LGR4: variants seen among roughly 807,000 people sequenced by gnomAD.
LGR4 encodes the protein leucine rich repeat containing G protein-coupled receptor 4.
Under a neutral mutation model 84.8 loss-of-function variants are expected in LGR4, and 44 were observed. The ratio of observed to expected loss-of-function variants is 0.52; its 90% CI spans 0.41 to 0.67. The LOEUF (loss-of-function observed/expected upper bound fraction) is 0.67. LGR4 is among the 30% of genes least tolerant of loss of function. The pLI is 0.00. For missense variants in LGR4, 1,032 were observed against 1,131.4 expected (o/e 0.91, Z 1.26); for synonymous variants, 429 against 434.3 (o/e 0.99, Z 0.15).
intron 2 of LGR4, among the ~76,000 whole-genome samples, chr11:27,403,347 G>A (rs1490413855): frequency 6.6e-6 from 1 of 152,206 alleles, no homozygotes; most frequent in East Asian, 1.9e-4. Flanking sequence ...AGCTACTCAG[G>A]AAGCTGAGGT....
intron 2 of LGR4, among the ~76,000 whole-genome samples, chr11:27,393,625 T>A (rs1863326315): frequency 6.6e-6 from 1 of 152,046 alleles, no homozygotes; most frequent in Non-Finnish European, 1.5e-5. Context: ...ATTCCCTCCC[T>A]AAAAACTCTG....
intron 1 of LGR4, among the ~76,000 whole-genome samples, chr11:27,431,762 T>C (rs1439618296): frequency 6.6e-6 from 1 of 152,194 alleles, no homozygotes; most frequent in Non-Finnish European, 1.5e-5. Flanking sequence ...ACTCCATCCA[T>C]ATAATATTAT....
chr11:27,368,995 A>G lies in LGR4; in HGVS notation c.1728T>C (p.Phe576=), dbSNP rs1270299375. 1.9e-6 allele frequency: 3 copies of G among 1,614,028 alleles called. No individual in the cohort carries two copies. Among genetic ancestry groups the G allele is most frequent in the African/African-American group, 2.7e-5 (2 of 74,916 alleles). Residue 576 remains phenylalanine (F), a synonymous_variant, in exon 18 of 18, where the codon TTT becomes TTC. Coordinates refer to ENST00000379214, the MANE Select transcript of LGR4 (RefSeq NM_018490.5). ...AGTTAGACACAGAAATCAAGCCTAT[A>G]AACAATTTGGACGAAGGCAGTGATG... ...SCTSLPSSKL[F]IGLISVSNLF...
Position 27,367,344 on chromosome 11 carries a change from CAT to C in LGR4, c.*521_*522del, listed in dbSNP as rs1862784510. On this transcript the variant is annotated 3_prime_UTR_variant, in exon 18 of 18. Coordinates refer to ENST00000379214, the MANE Select transcript of LGR4 (RefSeq NM_018490.5). Reference sequence around the variant, plus strand: ...TTATGTCAAGGATGGCAAGTGAAAACATAATAAAGTAATGCCTATGTATACTC... The same window carrying C: ...TTATGTCAAGGATGGCAAGTGAAAACAATAAAGTAATGCCTATGTATACTC... 1 of 152,490 alleles carries C rather than the reference CAT, an allele frequency of 6.6e-6. No homozygotes were observed. Among genetic ancestry groups the C allele is most frequent in the Admixed American group, 6.6e-5 (1 of 15,264 alleles). 9.4% of individuals were successfully genotyped at this position (152,490 alleles called of 1,614,324 possible).
chr11:27,465,832 T>G (rs1864766306), intron 1 of LGR4, among the ~76,000 whole-genome samples: 1 of 152,208 alleles, frequency 6.6e-6, no homozygotes, highest in Non-Finnish European at 1.5e-5. Flanking sequence ...AATTAGCCAT[T>G]GTGTAAGAGT....
chr11:27,449,016 C>T (rs1027211921), intron 1 of LGR4, among the ~76,000 whole-genome samples: 7 of 152,128 alleles, frequency 4.6e-5, no homozygotes, highest in African/African-American at 1.7e-4. Flanking sequence ...GGAGGTAAAA[C>T]TCACCTAGTT....
chr11:27,382,799 A>G (rs1863120982), intron 6 of LGR4, among the ~76,000 whole-genome samples: 1 of 152,088 alleles, frequency 6.6e-6, no homozygotes, highest in Admixed American at 6.6e-5. Flanking sequence ...CGGGCAGATC[A>G]TGAGGTCAAG....
At chr11:27,395,803 C>T (rs987528670) in intron 2 of LGR4, among the ~76,000 whole-genome samples, 10 of 152,182 alleles carry the variant, frequency 6.6e-5, no homozygotes, top group African/African-American at 2.4e-4. Context: ...GTGGTAAAAG[C>T]TCTGCAGCTC....
In LGR4 at chr11:27,371,648, T is replaced by C; in HGVS notation, c.1546A>G (p.Ser516Gly). Residue 516 changes from serine (S) to glycine (G), a missense_variant, in exon 17 of 18, where the codon AGT becomes GGT. Physicochemically the swap from Ser to Gly is moderately conservative, Grantham distance 56. Coordinates refer to ENST00000379214, the MANE Select transcript of LGR4 (RefSeq NM_018490.5). ...VTSTLENEEH[S>G]QIIIHCTPST... ...GGTGTACAATGGATAATTATTTGAC[T>C]ATGTTCTTCATTTTCAAGAGTGCTT... 1 of 1,613,452 alleles carries C rather than the reference T, an allele frequency of 6.2e-7. No individual in the cohort carries two copies. The highest frequency in any genetic ancestry group is 8.5e-7 in the Non-Finnish European group (1 of 1,179,528).
chr11:27,455,018 T>C (rs1235007032), intron 1 of LGR4, among the ~76,000 whole-genome samples: 1 of 152,192 alleles, frequency 6.6e-6, no homozygotes, highest in Non-Finnish European at 1.5e-5. Flanking sequence ...CTGATAATGC[T>C]CTTCCACTTG....
intron 1 of LGR4, among the ~76,000 whole-genome samples, chr11:27,450,592 C>T (rs1355866068): frequency 2.6e-5 from 4 of 152,048 alleles, no homozygotes; most frequent in African/African-American, 9.7e-5. Flanking sequence ...AGTTTGAGAC[C>T]AGCCTGACCA....
Position 27,382,351 on chromosome 11 carries a change from T to A in LGR4, c.690-95A>T. ...CAGACAAGTATTTTTTTAAATCATATCCTCTGTATGGTAATCTTTCTTTAT... is the reference window on the plus strand; with the variant it reads ...CAGACAAGTATTTTTTTAAATCATAACCTCTGTATGGTAATCTTTCTTTAT... On this transcript the variant is annotated intron_variant, in intron 6 of 17. Transcript: ENST00000379214. The A allele has an allele frequency of 3.9e-6, 3 of 769,442 alleles. No homozygotes were observed. The South Asian group carries it at 4.9e-5, about 13-fold the overall frequency. 47.7% of individuals were successfully genotyped at this position (769,442 alleles called of 1,614,324 possible).
intron 1 of LGR4, among the ~76,000 whole-genome samples, chr11:27,470,385 C>T (rs751494009): frequency 8.5e-5 from 13 of 152,306 alleles, no homozygotes; most frequent in Non-Finnish European, 1.5e-4. Flanking sequence ...TAGGACAAGT[C>T]TACTCACTAA....
chr11:27,368,284 C>G lies in LGR4; in HGVS notation c.2439G>C (p.Lys813Asn). ...FFNPKFKEDW[K>N]LLKRRVTKKS... ...TCTTGGTAACACGTCGCTTCAGTAACTTCCAGTCTTCTTTAAACTTTGGGT... is the reference window on the plus strand; with the variant it reads ...TCTTGGTAACACGTCGCTTCAGTAAGTTCCAGTCTTCTTTAAACTTTGGGT... Residue 813 changes from lysine (K) to asparagine (N), a missense_variant, in exon 18 of 18, where the codon AAG becomes AAC. Physicochemically the swap from Lys to Asn is moderately conservative, Grantham distance 94 (BLOSUM62 0). Coordinates refer to ENST00000379214, the MANE Select transcript of LGR4 (RefSeq NM_018490.5). The G allele has an allele frequency of 6.2e-7, 1 of 1,614,222 alleles. No homozygotes were observed. Among genetic ancestry groups the G allele is most frequent in the Non-Finnish European group, 8.5e-7 (1 of 1,180,038 alleles).
chr11:27,371,627 T>C lies in LGR4; in HGVS notation c.1567A>G (p.Thr523Ala), dbSNP rs780336469. The change falls in exon 17 of 18, where the codon ACA (threonine) becomes GCA (alanine). Residue 523 changes from threonine to alanine, a missense_variant. Transcript: ENST00000379214. Reference sequence around the variant, plus strand: ...AGGCCAGGCATACCTGTTGAAGGTGTACAATGGATAATTATTTGACTATGT... The same window carrying C: ...AGGCCAGGCATACCTGTTGAAGGTGCACAATGGATAATTATTTGACTATGT... ...EEHSQIIIHC[T>A]PSTGAFKPCE... The C allele has an allele frequency of 6.2e-7, 1 of 1,612,254 alleles. No individual in the cohort carries two copies. The highest frequency in any genetic ancestry group is 1.7e-5 in the Admixed American group (1 of 59,956).
chr11:27,373,076 TC>T (rs1862914564), intron 15 of LGR4: 1 of 152,614 alleles, frequency 6.6e-6, no homozygotes, highest in Admixed American at 6.5e-5. Context: ...CCCAGGCTGG[TC>T]TTGAACTGCT....
intron 2 of LGR4, among the ~76,000 whole-genome samples, chr11:27,400,606 G>A (rs1409896915): frequency 2.6e-5 from 4 of 151,668 alleles, no homozygotes; most frequent in South Asian, 2.1e-4. Flanking sequence ...AGGTTCAAGC[G>A]ATTCCCTTGC....
At chr11:27,371,797 C>T in intron 16 of LGR4, 99 bp from the exon 17 acceptor site, 1 of 777,200 alleles carries the variant, frequency 1.3e-6, no homozygotes, top group Non-Finnish European at 2.1e-6. Context: ...GTGAGTTCTC[C>T]TTATAGAAGG....
At chr11:27,439,749 T>C (rs957895163) in intron 1 of LGR4, among the ~76,000 whole-genome samples, 1 of 152,156 alleles carries the variant, frequency 6.6e-6, no homozygotes, top group African/African-American at 2.4e-5. Flanking sequence ...TCTACCTCTC[T>C]CTGCTCCACT....
Sources: gnomAD v4.1 joint callset for allele counts (sites outside exome capture counted in the v4.1 genomes callset) on GRCh38, gnomAD v4.1.1 for gene constraint, MANE v1.5 for transcripts, NCBI Gene and HGNC (gene_info 2026-07-23, HGNC 2026-07-21) for gene names.